PARG: variants seen among roughly 807,000 people sequenced by gnomAD.
PARG encodes the protein mitochondrial poly(ADP-ribose) glycohydrolase.
Under a neutral mutation model 113.0 loss-of-function variants are expected in PARG, and 35 were observed. The observed-to-expected ratio is 0.31, with a 90% CI of 0.24 to 0.41. The LOEUF (loss-of-function observed/expected upper bound fraction) is 0.41. Among genes scored for constraint, PARG ranks in the 10% least tolerant of loss-of-function variants. The pLI, the probability that PARG is intolerant of heterozygous loss-of-function variation, is 1.00. For missense variants in PARG, 797 were observed against 1,169.4 expected, an observed-to-expected ratio of 0.68 and a Z score of 4.64; for synonymous variants, 330 against 409.9, an observed-to-expected ratio of 0.81 and a Z score of 2.36.
At position 49,857,400 on chromosome 10, in the gene PARG, C is replaced by T. The variant is rs1846047027; in HGVS notation, c.2259G>A (p.Val753=). 6 of 1,605,624 alleles carry T rather than the reference C, an allele frequency of 3.7e-6. No homozygotes were observed. The Admixed American group carries it at 8.4e-5, about 22-fold the overall frequency. ...VGGGVTSAGL[V]QEEIRFLINP... ...TGATTAAAAAGCGGATTTCTTCTTG[C>T]ACAAGTCCTGCACTGGTTACACCAC... The change falls in exon 13 of 18, where the codon GTG becomes GTA. Residue 753 remains valine (V), a synonymous_variant. Transcript: ENST00000616448.
At chr10:49,853,559 T>C (rs1402544432) in intron 13 of PARG, among the ~76,000 whole-genome samples, 1 of 152,140 alleles carries the variant, frequency 6.6e-6, no homozygotes, top group Non-Finnish European at 1.5e-5. Flanking sequence ...CCATGATAAC[T>C]AACAAATGCA....
At chr10:49,824,304 C>A (rs1439245852) in intron 16 of PARG, among the ~76,000 whole-genome samples, 1 of 150,932 alleles carries the variant, frequency 6.6e-6, no homozygotes, top group Non-Finnish European at 1.5e-5. Context: ...AAGATCTTTG[C>A]AAATCTACAC....
intron 15 of PARG, among the ~76,000 whole-genome samples, chr10:49,835,128 T>A (rs1844852966): frequency 6.6e-6 from 1 of 152,056 alleles, no homozygotes; most frequent in Non-Finnish European, 1.5e-5. Flanking sequence ...TTGAACTCCC[T>A]TGGTAAAGAA....
chr10:49,823,305 T>A (rs1277093633), intron 16 of PARG, among the ~76,000 whole-genome samples: 4 of 152,152 alleles, frequency 2.6e-5, no homozygotes, highest in African/African-American at 9.6e-5. Flanking sequence ...TAGAAAGTTT[T>A]AAAAATTACA....
At chr10:49,926,172 C>T (rs1167265437) in intron 4 of PARG, among the ~76,000 whole-genome samples, 1 of 152,162 alleles carries the variant, frequency 6.6e-6, no homozygotes, top group Non-Finnish European at 1.5e-5. Context: ...ATGCTTGGTA[C>T]TGTGACGTGC....
chr10:49,844,266 T>A (rs1420015439), intron 13 of PARG, among the ~76,000 whole-genome samples: 4 of 152,226 alleles, frequency 2.6e-5, no homozygotes, highest in South Asian at 2.1e-4. Flanking sequence ...AAACATTTTT[T>A]AAAAATCCAT....
intron 7 of PARG, among the ~76,000 whole-genome samples, chr10:49,887,236 A>G (rs1223499548): frequency 1.3e-5 from 2 of 152,132 alleles, no homozygotes; most frequent in African/African-American, 2.4e-5. Context: ...TGAAATAATT[A>G]TAGATTTACA....
chr10:49,858,311 A>G (rs1280387081), intron 12 of PARG, among the ~76,000 whole-genome samples: 1 of 132,224 alleles, frequency 7.6e-6, no homozygotes, highest in Admixed American at 8.2e-5. Flanking sequence ...TTCCTTAGTG[A>G]GACTATCTGA....
chr10:49,843,103 C>T (rs911175467), intron 14 of PARG, among the ~76,000 whole-genome samples: 19 of 152,144 alleles, frequency 1.2e-4, no homozygotes, highest in South Asian at 2.1e-4. Flanking sequence ...CAAAGCACAC[C>T]GCAGGTTCTG....
chr10:49,919,247 T>C (rs1837668239), intron 6 of PARG, among the ~76,000 whole-genome samples: 1 of 152,170 alleles, frequency 6.6e-6, no homozygotes, highest in African/African-American at 2.4e-5. Flanking sequence ...GGCCTCACTA[T>C]AATTATTCTA....
At chr10:49,895,503 A>G (rs1848037799) in intron 7 of PARG, among the ~76,000 whole-genome samples, 1 of 151,838 alleles carries the variant, frequency 6.6e-6, no homozygotes, top group Admixed American at 6.6e-5. Context: ...TCCTGGGTTC[A>G]AGCAATTCTC....
At chr10:49,886,417 C>T (rs1179080552) in intron 7 of PARG, among the ~76,000 whole-genome samples, 1 of 152,154 alleles carries the variant, frequency 6.6e-6, no homozygotes, top group Non-Finnish European at 1.5e-5. Flanking sequence ...AATTCTAACA[C>T]TAAGAATTTT....
chr10:49,838,513 A>G (rs564132017), intron 15 of PARG, among the ~76,000 whole-genome samples: 15 of 151,220 alleles, frequency 9.9e-5, no homozygotes, highest in African/African-American at 2.7e-4. Context: ...GTGGCCAGCT[A>G]TGTGACCTGG....
chr10:49,841,418 AT>A (rs1164667725), intron 15 of PARG, among the ~76,000 whole-genome samples: 1 of 152,196 alleles, frequency 6.6e-6, no homozygotes, highest in Admixed American at 6.5e-5. Flanking sequence ...AATACTGAAA[AT>A]TTGAACAACA....
At chr10:49,847,537 A>T (rs1207066883) in intron 13 of PARG, among the ~76,000 whole-genome samples, 3 of 152,238 alleles carry the variant, frequency 2.0e-5, no homozygotes, top group Admixed American at 6.5e-5. Context: ...TCTACAAAAT[A>T]ACTAGCCTAT....
At chr10:49,893,555 C>T (rs1341611191) in intron 7 of PARG, among the ~76,000 whole-genome samples, 17 of 152,116 alleles carry the variant, frequency 1.1e-4, no homozygotes, top group African/African-American at 3.9e-4. Context: ...CTCACTGTGT[C>T]GCCAAAGCTG....
chr10:49,934,596 T>A (rs1421390919), intron 2 of PARG, among the ~76,000 whole-genome samples: 1 of 152,056 alleles, frequency 6.6e-6, no homozygotes, highest in East Asian at 1.9e-4. Context: ...ACACCTGTAA[T>A]CCCAGCACTT....
At chr10:49,889,977 T>C (rs2132675948) in intron 7 of PARG, among the ~76,000 whole-genome samples, 1 of 152,314 alleles carries the variant, frequency 6.6e-6, no homozygotes, top group African/African-American at 2.4e-5. Flanking sequence ...CCTTATAACC[T>C]GTACAACGCA....
chr10:49,923,262 A>G (rs1365962207), intron 4 of PARG, among the ~76,000 whole-genome samples: 2 of 152,126 alleles, frequency 1.3e-5, no homozygotes, highest in African/African-American at 4.8e-5. Flanking sequence ...GATTTTCATT[A>G]TCTTTATGAA....
Sources: gnomAD v4.1 joint callset for allele counts (sites outside exome capture counted in the v4.1 genomes callset) on GRCh38, gnomAD v4.1.1 for gene constraint, MANE v1.5 for transcripts, NCBI Gene and HGNC (gene_info 2026-07-23, HGNC 2026-07-21) for gene names.